The following SOX13 variants were observed in gnomAD, a reference collection of about 807,000 sequenced individuals.
The protein encoded by SOX13 is transcription factor SOX-13.
In SOX13, 28 loss-of-function variants were observed where a neutral mutation model predicts 71.8. The observed-to-expected ratio is 0.39, with a 90% CI of 0.29 to 0.53. SOX13 has a LOEUF of 0.53. Among genes scored for constraint, SOX13 ranks in the 20% least tolerant of loss-of-function variants. The probability of loss-of-function intolerance (pLI) is 0.70; values close to 1 mark genes in which losing one functional copy is unlikely to be tolerated. For missense variants in SOX13, 627 were observed against 810.3 expected (o/e 0.77, Z 2.75); for synonymous variants, 309 against 317.8 (o/e 0.97, Z 0.29).
intron 1 of SOX13, among the ~76,000 whole-genome samples, chr1:204,100,614 G>A (rs937254580): frequency 1.1e-4 from 16 of 152,178 alleles, no homozygotes; most frequent in African/African-American, 3.6e-4. Context: ...TAACAAAATC[G>A]AAAAAGAAAA....
intron 1 of SOX13, among the ~76,000 whole-genome samples, chr1:204,080,372 T>C (rs933934650): frequency 1.3e-4 from 20 of 152,008 alleles, no homozygotes; most frequent in African/African-American, 4.6e-4. Context: ...AGGGTGTCAG[T>C]GTTTTGGCTT....
At chr1:204,074,698 CCGGGCGG>C (rs928824596) in intron 1 of SOX13, among the ~76,000 whole-genome samples, 1 of 152,226 alleles carries the variant, frequency 6.6e-6, no homozygotes, top group Non-Finnish European at 1.5e-5. Flanking sequence ...CCGGACAGTA[CCGGGCGG>C]GGCGGTGAGC....
intron 1 of SOX13, among the ~76,000 whole-genome samples, chr1:204,093,851 A>C (rs1160377403): frequency 3.9e-5 from 6 of 152,158 alleles, no homozygotes; most frequent in Non-Finnish European, 8.8e-5. Context: ...TATCTTTCTG[A>C]TGAGGGGCTT....
chr1:204,111,309 G>A (rs1656576037), intron 1 of SOX13, among the ~76,000 whole-genome samples: 1 of 152,218 alleles, frequency 6.6e-6, no homozygotes, highest in African/African-American at 2.4e-5. Context: ...GAAGTACAGA[G>A]CAGCTAAGCA....
intron 1 of SOX13, among the ~76,000 whole-genome samples, chr1:204,084,876 G>A (rs1011873639): frequency 2.0e-5 from 3 of 152,188 alleles, no homozygotes; most frequent in African/African-American, 7.2e-5. Flanking sequence ...CTGCCTCTGA[G>A]CGAATCCACC....
In SOX13 at chr1:204,116,622, C is replaced by T; in HGVS notation, c.534C>T (p.Ala178=). 6.2e-7 allele frequency: 1 copy of T among 1,613,996 alleles called. No homozygotes were observed. The highest frequency in any genetic ancestry group is 8.5e-7 in the Non-Finnish European group (1 of 1,179,856). The stretch of plus-strand genomic sequence containing the variant: ...ACTCGGAGCAGAAGAACATGGCTGC[C>T]ATGCTGTTTGAGAAGCAGCAGCAGC... ...TAHSEQKNMA[A]MLFEKQQQQM... is the part of the protein sequence containing the mutation. Residue 178 remains alanine (A), a synonymous_variant, in exon 5 of 14, where the codon GCC becomes GCT. Transcript: ENST00000367204.
chr1:204,089,333 A>G (rs920381822), intron 1 of SOX13, among the ~76,000 whole-genome samples: 12 of 152,286 alleles, frequency 7.9e-5, no homozygotes, highest in African/African-American at 2.9e-4. Flanking sequence ...TCTGGACAGC[A>G]TGGCATTCCC....
intron 1 of SOX13, among the ~76,000 whole-genome samples, chr1:204,109,084 C>T (rs758249310): frequency 7.9e-5 from 12 of 152,212 alleles, no homozygotes; most frequent in South Asian, 2.1e-4. Context: ...GCTTTCTGGA[C>T]GCTCTCCAAG....
At chr1:204,124,582 G>A in intron 12 of SOX13, 59 bp from the exon 13 acceptor site, 3 of 1,447,096 alleles carry the variant, frequency 2.1e-6, no homozygotes, top group Non-Finnish European at 2.9e-6. Flanking sequence ...TCCTGCATGG[G>A]GCTGGGGGTG....
chr1:204,083,679 G>A (rs1453899646), intron 1 of SOX13, among the ~76,000 whole-genome samples: 1 of 152,196 alleles, frequency 6.6e-6, no homozygotes, highest in Non-Finnish European at 1.5e-5. Flanking sequence ...GAGATGGAGT[G>A]GATGTTGGGG....
intron 1 of SOX13, among the ~76,000 whole-genome samples, chr1:204,079,235 G>A (rs922576187): frequency 1.3e-5 from 2 of 151,362 alleles, no homozygotes; most frequent in Middle Eastern, 3.4e-3. Context: ...GGCCAAGATC[G>A]AGCCACTGCA....
At chr1:204,086,515 A>G (rs1433825646) in intron 1 of SOX13, among the ~76,000 whole-genome samples, 2 of 151,910 alleles carry the variant, frequency 1.3e-5, no homozygotes, top group Non-Finnish European at 2.9e-5. Flanking sequence ...GTTGGCCAGG[A>G]TGGTCTCTAT....
At position 204,094,862 on chromosome 1, in the gene SOX13, G is replaced by A. The variant is rs192010258; in HGVS notation, c.-1-18053G>A. Among the ~76,000 whole-genome samples, 29 of 152,266 alleles carry A rather than the reference G, an allele frequency of 1.9e-4. No homozygotes were observed. The East Asian group carries it at 5.2e-3, about 27-fold the overall frequency. On this transcript the variant is annotated intron_variant, in intron 1 of 13. Transcript: ENST00000367204. ...GCTAGTGGGATTTTGGGGCTTGCCT[G>A]TCATTCATTCATTGAAAAGGAAAAG... is the stretch of plus-strand genomic sequence containing the variant.
At chr1:204,122,082 G>A (rs1656819402) in intron 8 of SOX13, 97 bp downstream of exon 8, 1 of 1,055,320 alleles carries the variant, frequency 9.5e-7, no homozygotes, top group Non-Finnish European at 1.4e-6. Context: ...GGTGAGCCCT[G>A]GCATCCTGTG....
intron 4 of SOX13, 53 bp from the exon 5 acceptor site, chr1:204,116,454 G>A: frequency 6.2e-7 from 1 of 1,613,152 alleles, no homozygotes; most frequent in Admixed American, 1.7e-5. Flanking sequence ...ATGGATGGAT[G>A]TATAGATGAA....
At chr1:204,091,114 C>A (rs1184746653) in intron 1 of SOX13, among the ~76,000 whole-genome samples, 17 of 152,234 alleles carry the variant, frequency 1.1e-4, no homozygotes, top group Admixed American at 1.1e-3. Flanking sequence ...GAACACTGTT[C>A]TTTTCCTTTC....
intron 7 of SOX13, among the ~76,000 whole-genome samples, chr1:204,121,483 T>C (rs756943272): frequency 6.6e-6 from 1 of 152,244 alleles, no homozygotes; most frequent in Non-Finnish European, 1.5e-5. Flanking sequence ...CCCTGTTATA[T>C]ATCACATACC....
In SOX13 at chr1:204,116,203, G is replaced by A; in HGVS notation, c.419-304G>A. 6 of 1,349,170 alleles carry A rather than the reference G, an allele frequency of 4.4e-6. No homozygotes were observed. The South Asian group carries it at 7.7e-5, about 17-fold the overall frequency. 83.6% of individuals were successfully genotyped at this position (1,349,170 alleles called of 1,614,324 possible). A position where few individuals can be genotyped will look rare whatever the true frequency, so the allele number is the denominator to read the frequency against. Reference sequence around the variant, plus strand: ...CCACCCTGACCCTGTGTGGCGCTGAGCACTCGAGGACATTGAAGAGGCCTG... The same window carrying A: ...CCACCCTGACCCTGTGTGGCGCTGAACACTCGAGGACATTGAAGAGGCCTG... On this transcript the variant is annotated intron_variant, in intron 4 of 13. Transcript: ENST00000367204.
chr1:204,110,899 A>G (rs1571585656), intron 1 of SOX13, among the ~76,000 whole-genome samples: 1 of 144,598 alleles, frequency 6.9e-6, no homozygotes. Flanking sequence ...TCTAATCCCC[A>G]TGCAAAAAAA....
Sources: allele counts gnomAD v4.1 joint callset (sites outside exome capture counted in the v4.1 genomes callset), GRCh38; gene constraint gnomAD v4.1.1; transcripts MANE v1.5; gene names NCBI Gene and HGNC (gene_info 2026-07-23, HGNC 2026-07-21).